RBFOX1: variants seen among roughly 807,000 people sequenced by gnomAD.
RBFOX1 encodes the protein RNA binding protein fox-1 homolog 1.
A neutral mutation model predicts 57.7 loss-of-function variants in RBFOX1; 8 were observed. The ratio of observed to expected loss-of-function variants is 0.14; its 90% confidence interval spans 0.08 to 0.25. The LOEUF (loss-of-function observed/expected upper bound fraction) is 0.25, where lower values mean the gene tolerates loss of function less well. Ranked by LOEUF, RBFOX1 falls within the 10% of genes least tolerant of loss-of-function variation. RBFOX1 has a pLI of 1.00. For synonymous variants in RBFOX1, 326 were observed against 222.4 expected, an observed-to-expected ratio of 1.47 and a Z score of -4.15; for missense variants, 611 against 548.5, an observed-to-expected ratio of 1.11 and a Z score of -1.14.
At chr16:7,471,232 C>T (rs2061501469) in intron 4 of RBFOX1, among the ~76,000 whole-genome samples, 1 of 152,202 alleles carries the variant, frequency 6.6e-6, no homozygotes, top group South Asian at 2.1e-4. Flanking sequence ...AAAGTTAACA[C>T]CACTTAACTG....
chr16:5,947,567 C>T lies in RBFOX1; in HGVS notation c.351+80232C>T, dbSNP rs953481590. Among the ~76,000 whole-genome samples the T allele has an allele frequency of 5.9e-5, 9 of 152,190 alleles. No homozygotes were observed. The highest frequency in any genetic ancestry group is 1.7e-4 in the African/African-American group (7 of 41,452). ...CAGACTCCTAGCCCCAAGCAATTCTCACATATCAGCCTCCCAAAGTGCTGG... is the reference window on the plus strand; with the variant it reads ...CAGACTCCTAGCCCCAAGCAATTCTTACATATCAGCCTCCCAAAGTGCTGG... On this transcript the variant is annotated intron_variant, in intron 4 of 19. Coordinates refer to the RBFOX1 transcript ENST00000641259. The surrounding 1 kb of genome is among the most constrained non-coding windows in gnomAD (Gnocchi z 7.2).
chr16:7,459,327 C>A (rs1417245054), intron 4 of RBFOX1, among the ~76,000 whole-genome samples: 2 of 152,298 alleles, frequency 1.3e-5, no homozygotes, highest in Non-Finnish European at 2.9e-5. Flanking sequence ...ATCCTTTTAA[C>A]TCACTTGGCA....
intron 4 of RBFOX1, among the ~76,000 whole-genome samples, chr16:7,116,839 C>T (rs1303585033): frequency 1.3e-5 from 2 of 152,082 alleles, no homozygotes; most frequent in Non-Finnish European, 2.9e-5. Flanking sequence ...ACAGACCATC[C>T]CCTCAAGGGT....
chr16:5,320,077 C>T (rs757799964), intron 1 of RBFOX1, among the ~76,000 whole-genome samples: 1 of 152,290 alleles, frequency 6.6e-6, no homozygotes, highest in Non-Finnish European at 1.5e-5. Context: ...TTGGCAAACA[C>T]ATGGCTGTGT....
At chr16:7,377,617 T>C (rs1375991368) in intron 4 of RBFOX1, among the ~76,000 whole-genome samples, 1 of 152,220 alleles carries the variant, frequency 6.6e-6, no homozygotes. Flanking sequence ...AGTATAACTT[T>C]ATAGCGCTTG....
At chr16:5,362,525 G>A (rs2065582436) in intron 1 of RBFOX1, among the ~76,000 whole-genome samples, 1 of 152,196 alleles carries the variant, frequency 6.6e-6, no homozygotes, top group Admixed American at 6.5e-5. Context: ...AACACGCTTG[G>A]CTAATTTTGT....
At chr16:7,381,707 A>C (rs1472746510) in intron 4 of RBFOX1, among the ~76,000 whole-genome samples, 2 of 152,178 alleles carry the variant, frequency 1.3e-5, no homozygotes, top group Non-Finnish European at 2.9e-5. Context: ...GGGATTTGCA[A>C]GTCAGGAACA....
intron 7 of RBFOX1, among the ~76,000 whole-genome samples, chr16:7,591,647 G>C (rs1247602788): frequency 6.6e-6 from 1 of 152,104 alleles, no homozygotes; most frequent in African/African-American, 2.4e-5. Flanking sequence ...TAGCATTAAA[G>C]GTAAACTCTG....
intron 1 of RBFOX1, among the ~76,000 whole-genome samples, chr16:5,290,185 A>C (rs983928766): frequency 3.3e-5 from 5 of 152,210 alleles, no homozygotes; most frequent in African/African-American, 1.2e-4. Context: ...TGAAGACAGA[A>C]ACCATTTCTC....
In RBFOX1 at chr16:5,783,016, TC is replaced by T. The variant is rs149726754; in HGVS notation, c.319-84281del. On this transcript the variant is annotated intron_variant, in intron 3 of 19. Transcript: ENST00000641259. Reference sequence around the variant, plus strand: ...TCCACTGATTTAAATACTCTTTGCATCCCCCCAAACACCCTCATGGACACAC... The same window carrying T: ...TCCACTGATTTAAATACTCTTTGCATCCCCCAAACACCCTCATGGACACAC... Among the ~76,000 whole-genome samples the T allele has an allele frequency of 1.0e-3, 159 of 152,044 alleles. 1 individual carries two copies. The highest frequency in any genetic ancestry group is 3.7e-3 in the African/African-American group (155 of 41,458).
intron 4 of RBFOX1, among the ~76,000 whole-genome samples, chr16:7,494,694 A>AT (rs1308543798): frequency 6.6e-6 from 1 of 152,184 alleles, no homozygotes; most frequent in Admixed American, 6.5e-5. Flanking sequence ...TCAAAGCCAT[A>AT]TACCTGGTAA....
chr16:7,649,543 T>C (rs982723350), intron 11 of RBFOX1, among the ~76,000 whole-genome samples: 3 of 151,930 alleles, frequency 2.0e-5, no homozygotes, highest in Non-Finnish European at 2.9e-5. Flanking sequence ...CCTCTAATGG[T>C]TGTGTTGCTT....
chr16:6,507,949 A>T (rs1457432865), intron 2 of RBFOX1, among the ~76,000 whole-genome samples: 4 of 152,214 alleles, frequency 2.6e-5, no homozygotes, highest in Admixed American at 1.3e-4. Context: ...AATAGCAAAG[A>T]CATGGAATCA....
At chr16:6,503,594 G>A (rs1202493462) in intron 2 of RBFOX1, among the ~76,000 whole-genome samples, 1 of 152,122 alleles carries the variant, frequency 6.6e-6, no homozygotes, top group African/African-American at 2.4e-5. Context: ...CTTATTTGTG[G>A]CCTTTTCGGC....
At chr16:7,051,513 T>C (rs950276229) in intron 3 of RBFOX1, among the ~76,000 whole-genome samples, 4 of 152,222 alleles carry the variant, frequency 2.6e-5, no homozygotes, top group African/African-American at 9.6e-5. Flanking sequence ...GATTGAAGGA[T>C]TGGCTTCACA....
At chr16:7,701,032 A>G (rs1268565139) in intron 14 of RBFOX1, among the ~76,000 whole-genome samples, 2 of 152,130 alleles carry the variant, frequency 1.3e-5, no homozygotes, top group African/African-American at 4.8e-5. Flanking sequence ...TAGGGTCTAA[A>G]AAGCTCAGAT....
chr16:6,610,782 C>G (rs1030988788), intron 2 of RBFOX1, among the ~76,000 whole-genome samples: 3 of 152,212 alleles, frequency 2.0e-5, no homozygotes, highest in Non-Finnish European at 4.4e-5. Flanking sequence ...ATGTCTGTGA[C>G]TTTCACATCC....
intron 4 of RBFOX1, among the ~76,000 whole-genome samples, chr16:7,186,112 A>C (rs2083690188): frequency 6.6e-6 from 1 of 151,994 alleles, no homozygotes; most frequent in African/African-American, 2.4e-5. Flanking sequence ...AATTGCACAG[A>C]TATGTACAAC....
At chr16:5,729,577 T>TC (rs2052285978) in intron 3 of RBFOX1, among the ~76,000 whole-genome samples, 1 of 152,072 alleles carries the variant, frequency 6.6e-6, no homozygotes, top group Non-Finnish European at 1.5e-5. Flanking sequence ...GTTAATTATA[T>TC]TTGTCCAGGG....
Sources: gnomAD v4.1 joint callset for allele counts (sites outside exome capture counted in the v4.1 genomes callset) on GRCh38, gnomAD v4.1.1 for gene constraint, Gnocchi (gnomAD v3.1) non-coding constraint, MANE v1.5 for transcripts, NCBI Gene and HGNC (gene_info 2026-07-23, HGNC 2026-07-21) for gene names.